The following CCDC180 variants were observed in gnomAD, a reference collection of about 807,000 sequenced individuals.
CCDC180 encodes coiled-coil domain-containing protein 180.
CCDC180 carries 154 observed loss-of-function variants against 209.2 expected under a neutral mutation model. The ratio of observed to expected loss-of-function variants is 0.74; its 90% confidence interval spans 0.65 to 0.84. The LOEUF is 0.84. Among genes scored for constraint, CCDC180 ranks in the 40% least tolerant of loss-of-function variants. The pLI is 0.00. For synonymous variants in CCDC180, 778 were observed against 749.1 expected (o/e 1.04, Z -0.63); for missense variants, 1,874 against 1,997.3 (o/e 0.94, Z 1.18).
At position 97,376,816 on chromosome 9, in the gene CCDC180, A is replaced by G. The variant is rs149173116; in HGVS notation, c.4896A>G (p.Thr1632=). The change falls in exon 37 of 37, where the codon ACA becomes ACG. Residue 1632 remains threonine, a synonymous_variant. Transcript: ENST00000529487. ...TAAAGAGGATCCAGGATGACTGTAC[A>G]TCTCAGATAAAGGAGGCTCAGCGCT... The part of the protein sequence containing the change: ...EELKRIQDDC[T]SQIKEAQRWK... 49 of 1,613,440 alleles carry G rather than the reference A, an allele frequency of 3.0e-5. No individual in the cohort carries two copies. The highest frequency in any genetic ancestry group is 4.0e-5 in the Non-Finnish European group (47 of 1,179,984).
intron 32 of CCDC180, among the ~76,000 whole-genome samples, chr9:97,370,322 G>A (rs556800063): frequency 1.5e-4 from 23 of 152,320 alleles, no homozygotes; most frequent in Non-Finnish European, 2.2e-4. Flanking sequence ...GCTGGGTTCC[G>A]TGGGGCTGTA....
intron 24 of CCDC180, among the ~76,000 whole-genome samples, chr9:97,355,771 T>A (rs1002629132): frequency 2.6e-5 from 4 of 152,164 alleles, no homozygotes; most frequent in Admixed American, 6.5e-5. Context: ...GCCAGAGGAC[T>A]TAACCTGGGC....
At chr9:97,369,722 T>C in intron 31 of CCDC180, 200 bp from the exon 32 acceptor site, 2 of 529,130 alleles carry the variant, frequency 3.8e-6, no homozygotes, top group South Asian at 2.3e-5. Flanking sequence ...ATTACAGGTG[T>C]AAGCCACTGC....
intron 32 of CCDC180, 70 bp downstream of exon 32, chr9:97,370,152 T>TA: frequency 6.5e-7 from 1 of 1,535,042 alleles, no homozygotes; most frequent in Non-Finnish European, 8.8e-7. Context: ...TGGTGGCAGG[T>TA]TGTGGGCAGG....
intron 22 of CCDC180, among the ~76,000 whole-genome samples, chr9:97,354,062 A>G (rs752889814): frequency 2.0e-5 from 3 of 149,326 alleles, no homozygotes; most frequent in African/African-American, 7.5e-5. Context: ...CAGTGGCGCA[A>G]TCTCGGCTCA....
chr9:97,330,777 C>T lies in CCDC180; in HGVS notation c.2274+10C>T. ...TTTATCTGTGGGTGAGGTAAGCCAG[C>T]AACTGATTCATTCTTGGGCATAGAG... On this transcript the variant is annotated intron_variant, in intron 18 of 36. Coordinates refer to ENST00000529487, the MANE Select transcript of CCDC180 (RefSeq NM_020893.6). 1.3e-6 allele frequency: 2 copies of T among 1,587,116 alleles called. No homozygotes were observed. Among genetic ancestry groups the T allele is most frequent in the African/African-American group, 2.7e-5 (2 of 74,532 alleles).
At chr9:97,367,315 T>A (rs1404857212) in intron 31 of CCDC180, among the ~76,000 whole-genome samples, 1 of 152,136 alleles carries the variant, frequency 6.6e-6, no homozygotes, top group East Asian at 1.9e-4. Flanking sequence ...TATCACACTT[T>A]GATGTGGTCT....
chr9:97,308,790 T>C (rs1045425808), intron 2 of CCDC180, among the ~76,000 whole-genome samples: 5 of 152,236 alleles, frequency 3.3e-5, no homozygotes, highest in African/African-American at 4.8e-5. Context: ...CTCTGGAAAT[T>C]ATAAAAGTAT....
chr9:97,328,450 T>C (rs528598059), intron 16 of CCDC180, among the ~76,000 whole-genome samples: 3 of 152,252 alleles, frequency 2.0e-5, no homozygotes, highest in South Asian at 4.1e-4. Context: ...TCCTAAAATA[T>C]AGCTTTAACC....
chr9:97,323,914 G>A lies in CCDC180; in HGVS notation c.1371+11G>A. ...CTGGAGCTCTTGGACGTGCGTGCTG[G>A]GGACTGTTCCACTGGGGAGCTGAGG... On this transcript the variant is annotated intron_variant, in intron 13 of 36. Transcript: ENST00000529487. The A allele has an allele frequency of 1.9e-6, 3 of 1,552,202 alleles. No individual in the cohort carries two copies. The highest frequency in any genetic ancestry group is 2.6e-6 in the Non-Finnish European group (3 of 1,147,618).
chr9:97,314,379 C>G lies in CCDC180; in HGVS notation c.460-14C>G. 6.2e-7 allele frequency: 1 copy of G among 1,614,122 alleles called. No individual in the cohort carries two copies. Among genetic ancestry groups the G allele is most frequent in the Non-Finnish European group, 8.5e-7 (1 of 1,179,994 alleles). Reference sequence around the variant, plus strand: ...TGCTGATGCCTTGGCCATCATACCCCTGGCCTGTTGCAGGAAATGGAACCT... The same window carrying G: ...TGCTGATGCCTTGGCCATCATACCCGTGGCCTGTTGCAGGAAATGGAACCT... On this transcript the variant is annotated splice_polypyrimidine_tract_variant and intron_variant, in intron 5 of 36. Coordinates refer to ENST00000529487, the MANE Select transcript of CCDC180 (RefSeq NM_020893.6).
chr9:97,307,807 G>A lies in CCDC180; in HGVS notation c.-82+1G>A. 1 of 1,614,162 alleles carries A rather than the reference G, an allele frequency of 6.2e-7. No individual in the cohort carries two copies. Among genetic ancestry groups the A allele is most frequent in the Non-Finnish European group, 8.5e-7 (1 of 1,180,016 alleles). On this transcript the variant is annotated splice_donor_variant, in intron 1 of 36. Coordinates refer to ENST00000529487, the MANE Select transcript of CCDC180 (RefSeq NM_020893.6). LOFTEE classifies it low-confidence loss of function (5UTR_SPLICE). ...TGCTCGAGTTCAGAGCTCATCTGAG[G>A]TTAGTTTCATCGTTTCGTTGAAAGT...
chr9:97,311,159 G>C (rs1424892066), intron 3 of CCDC180, among the ~76,000 whole-genome samples: 1 of 152,178 alleles, frequency 6.6e-6, no homozygotes, highest in Non-Finnish European at 1.5e-5. Context: ...AGGCCAGGGG[G>C]TAAATCACCA....
chr9:97,375,437 C>T lies in CCDC180; in HGVS notation c.4707-17C>T. The stretch of plus-strand genomic sequence containing the variant: ...TGAAGACAAGCCTGTGAGATTTTCA[C>T]ACATGTTTGTTTGTAGGAAGTGGCC... On this transcript the variant is annotated splice_polypyrimidine_tract_variant and intron_variant, in intron 35 of 36. Transcript: ENST00000529487. The T allele has an allele frequency of 3.7e-6, 6 of 1,614,028 alleles. No homozygotes were observed. Among genetic ancestry groups the T allele is most frequent in the Non-Finnish European group, 5.1e-6 (6 of 1,179,888 alleles).
At chr9:97,335,399 A>G (rs540276446) in intron 18 of CCDC180, among the ~76,000 whole-genome samples, 4 of 152,170 alleles carry the variant, frequency 2.6e-5, no homozygotes, top group Admixed American at 6.5e-5. Flanking sequence ...TCATTGTTCA[A>G]TTCCCACCTA....
At position 97,369,938 on chromosome 9, in the gene CCDC180, C is replaced by T. The variant is rs141508161; in HGVS notation, c.4206C>T (p.Ile1402=). 1.2e-5 allele frequency: 19 copies of T among 1,614,002 alleles called. No individual in the cohort carries two copies. The highest frequency in any genetic ancestry group is 1.5e-5 in the Non-Finnish European group (18 of 1,180,032). ...NSCLIELRIQ[I]RRFEELLPQV... is the part of the protein sequence containing the mutation. ...TTCTGGCAGAATTACGGATCCAGAT[C>T]AGGAGATTTGAGGAGCTGCTGCCCC... Residue 1402 remains isoleucine (I), a synonymous_variant, in exon 32 of 37, where the codon ATC becomes ATT. Transcript: ENST00000529487.
intron 8 of CCDC180, among the ~76,000 whole-genome samples, chr9:97,315,622 G>T (rs1833145037): frequency 6.6e-6 from 1 of 152,346 alleles, no homozygotes; most frequent in Admixed American, 6.5e-5. Flanking sequence ...CACACTGTGG[G>T]TTTCCTGGTC....
intron 24 of CCDC180, among the ~76,000 whole-genome samples, chr9:97,356,937 T>C (rs1017089839): frequency 2.6e-4 from 40 of 152,258 alleles, no homozygotes; most frequent in Non-Finnish European, 2.9e-5. Context: ...ATTGGCTGTT[T>C]GCTATTTATA....
intron 18 of CCDC180, among the ~76,000 whole-genome samples, chr9:97,335,692 C>G (rs992249570): frequency 3.9e-5 from 6 of 152,160 alleles, no homozygotes; most frequent in African/African-American, 1.4e-4. Context: ...AGTATATACC[C>G]AGTAATGGGA....
Sources: gnomAD v4.1 joint callset for allele counts (sites outside exome capture counted in the v4.1 genomes callset) on GRCh38, gnomAD v4.1.1 for gene constraint, MANE v1.5 for transcripts, NCBI Gene and HGNC (gene_info 2026-07-23, HGNC 2026-07-21) for gene names.